IRAG2: variants seen among roughly 807,000 people sequenced by gnomAD.
IRAG2 encodes the protein lymphoid restricted membrane protein.
Under a neutral mutation model 69.9 loss-of-function variants are expected in IRAG2, and 45 were observed. The observed-to-expected ratio is 0.64, with a 90% CI of 0.51 to 0.83. The LOEUF (loss-of-function observed/expected upper bound fraction) is 0.83, where lower values mean the gene tolerates loss of function less well. Among genes scored for constraint, IRAG2 ranks in the 40% least tolerant of loss-of-function variants. The probability of loss-of-function intolerance (pLI) is 0.00; values close to 1 mark genes in which losing one functional copy is unlikely to be tolerated. For synonymous variants in IRAG2, 193 were observed against 202.4 expected (o/e 0.95, Z 0.40); for missense variants, 520 against 587.0 (o/e 0.89, Z 1.18).
At chr12:25,051,883 A>G (rs1944881897), upstream of IRAG2, among the ~76,000 whole-genome samples, 1 of 151,928 alleles carries the variant, frequency 6.6e-6, no homozygotes, top group Admixed American at 6.6e-5. Context: ...TAAATGTTGC[A>G]CCTGTCACCC....
At chr12:25,007,667 G>A (rs12369197) in intron 2 of IRAG2, among the ~76,000 whole-genome samples, 39,370 of 150,904 alleles carry the variant, frequency 0.26, 5,582 homozygotes, top group South Asian at 0.47. Context: ...GATTACAGGC[G>A]CCCACCACTA....
chr12:25,103,611 A>C (rs1349425533), intron 17 of IRAG2: 1 of 493,254 alleles, frequency 2.0e-6, no homozygotes, highest in Non-Finnish European at 3.6e-6. Context: ...TATATTTGTT[A>C]GATTGGCATA....
Position 25,066,443 on chromosome 12 carries a change from A to G in IRAG2, c.-128A>G. The G allele has an allele frequency of 2.5e-6, 1 of 401,202 alleles. No homozygotes were observed. The highest frequency in any genetic ancestry group is 3.6e-5 in the East Asian group (1 of 28,066). The allele number at this position is 401,202 out of a possible 1,614,324, so 24.9% of individuals were successfully genotyped here. ...TTCTCAGGTGTAGCCAACCAAATCC[A>G]CACTCTGTGTGAAAGGCCCACATAT... is the stretch of plus-strand genomic sequence containing the variant. On this transcript the variant is annotated 5_prime_UTR_variant, in exon 5 of 22. Coordinates refer to ENST00000556887, the MANE Select transcript of IRAG2 (RefSeq NM_001366544.2).
At chr12:25,089,550 G>C in intron 11 of IRAG2, 64 bp from the exon 12 acceptor site, 1 of 936,708 alleles carries the variant, frequency 1.1e-6, no homozygotes, top group Non-Finnish European at 1.6e-6. Flanking sequence ...TATAACATTA[G>C]ATCAAATGTG....
chr12:25,041,083 GA>G lies in IRAG2; in HGVS notation c.2144+2947del, dbSNP rs1335276795. On this transcript the variant is annotated intron_variant, in intron 16 of 38. Coordinates refer to the IRAG2 transcript ENST00000636465. ...AGTGGGGCGAGGGAGTGAGCTATGT[GA>G]TGATCCGGGTGTGTTCCAGGCAGAG... Among the ~76,000 whole-genome samples, 6 of 152,280 alleles carry G rather than the reference GA, an allele frequency of 3.9e-5. No homozygotes were observed. In the East Asian group the frequency reaches 1.2e-3, roughly 29 times the overall value.
upstream of IRAG2, chr12:25,004,280 C>T (rs2139812740): frequency 1.8e-6 from 2 of 1,089,568 alleles, no homozygotes; most frequent in Admixed American, 4.2e-5. Context: ...GACTTTTAAA[C>T]ATGTATCTAC....
At chr12:25,032,277 T>G in intron 11 of IRAG2, 1 of 399,048 alleles carries the variant, frequency 2.5e-6, no homozygotes, top group Non-Finnish European at 4.4e-6. Flanking sequence ...GAGTAACATG[T>G]ACAGCCTAAT....
intron 7 of IRAG2, chr12:25,020,946 A>G (rs1212334210): frequency 9.5e-7 from 1 of 1,048,996 alleles, no homozygotes; most frequent in African/African-American, 1.6e-5. Flanking sequence ...TTGGCGTATA[A>G]TTTACATAAC....
Position 25,108,110 on chromosome 12 carries a change from G to T in IRAG2, c.*50G>T. 1 of 1,584,484 alleles carries T rather than the reference G, an allele frequency of 6.3e-7. No individual in the cohort carries two copies. Among genetic ancestry groups the T allele is most frequent in the South Asian group, 1.1e-5 (1 of 88,706 alleles). Reference sequence around the variant, plus strand: ...TCTTGATTTTTAAGTTTCAGTATCTGAACTTCGTAAATTAGTAACTTTTAG... The same window carrying T: ...TCTTGATTTTTAAGTTTCAGTATCTTAACTTCGTAAATTAGTAACTTTTAG... On this transcript the variant is annotated 3_prime_UTR_variant, in exon 22 of 22. Transcript: ENST00000556887.
intron 6 of IRAG2, among the ~76,000 whole-genome samples, chr12:25,074,684 A>G (rs1946562813): frequency 6.6e-6 from 1 of 152,234 alleles, no homozygotes. Flanking sequence ...TATCAGCAGC[A>G]TGAAGGCCAG....
In IRAG2 at chr12:25,072,229, G is replaced by A. The variant is rs889338507; in HGVS notation, c.24+2798G>A. Among the ~76,000 whole-genome samples the A allele has an allele frequency of 2.6e-4, 40 of 151,818 alleles. No individual in the cohort carries two copies. The South Asian group carries it at 8.1e-3, about 31-fold the overall frequency. ...CAAAAGAAAAAAAAAGAAAGAAAAA[G>A]AAAAAAAAGAAATAGGTGCTAACAG... On this transcript the variant is annotated intron_variant, in intron 6 of 21. Transcript: ENST00000556887.
chr12:25,075,542 GTGTGTGTGTGTGTGTA>G (rs1488279382), intron 6 of IRAG2, among the ~76,000 whole-genome samples: 19 of 146,452 alleles, frequency 1.3e-4, no homozygotes, highest in East Asian at 4.0e-4. Flanking sequence ...GTGTGTGTGT[GTGTGTGTGTGTGTGTA>G]TGTGTGTCTC....
intron 14 of IRAG2, 136 bp downstream of exon 14, chr12:25,090,333 G>A (rs545684049): frequency 1.3e-4 from 93 of 734,680 alleles, no homozygotes; most frequent in Admixed American, 4.3e-4. Flanking sequence ...CTTGAGGCCC[G>A]GAGTTCAAGA....
At chr12:25,061,340 C>T (rs991555408) in intron 1 of IRAG2, among the ~76,000 whole-genome samples, 2 of 152,154 alleles carry the variant, frequency 1.3e-5, no homozygotes, top group African/African-American at 2.4e-5. Context: ...GTCTAGACAA[C>T]ATGGTGAAAC....
upstream of IRAG2, among the ~76,000 whole-genome samples, chr12:25,003,095 T>C (rs1255249246): frequency 6.6e-6 from 1 of 152,174 alleles, no homozygotes; most frequent in Non-Finnish European, 1.5e-5. Flanking sequence ...TCAAGTAAGA[T>C]TCAGAGGATT....
chr12:25,058,058 T>C (rs1468578678), intron 1 of IRAG2, among the ~76,000 whole-genome samples: 1 of 152,246 alleles, frequency 6.6e-6, no homozygotes, highest in Non-Finnish European at 1.5e-5. Flanking sequence ...TATGAACGTC[T>C]GTGTACAAGT....
intron 16 of IRAG2, among the ~76,000 whole-genome samples, chr12:25,039,333 A>G (rs1045981139): frequency 6.6e-6 from 1 of 152,226 alleles, no homozygotes; most frequent in African/African-American, 2.4e-5. Context: ...TTTCCCTAAG[A>G]AGCAGAGAAC....
At chr12:25,041,091 G>A (rs34771157) in intron 16 of IRAG2, among the ~76,000 whole-genome samples, 39,361 of 152,052 alleles carry the variant, frequency 0.26, 5,529 homozygotes, top group South Asian at 0.41. Flanking sequence ...GTGATGATCC[G>A]GGTGTGTTCC....
intron 2 of IRAG2, chr12:25,011,237 G>T: frequency 1.4e-6 from 1 of 722,286 alleles, no homozygotes; most frequent in Non-Finnish European, 1.9e-6. Flanking sequence ...AATATACCAT[G>T]CCAGCTCCGC....
Sources: gnomAD v4.1 joint callset for allele counts (sites outside exome capture counted in the v4.1 genomes callset) on GRCh38, gnomAD v4.1.1 for gene constraint, MANE v1.5 for transcripts, NCBI Gene and HGNC (gene_info 2026-07-23, HGNC 2026-07-21) for gene names.